RASAL2: variants seen among roughly 807,000 people sequenced by gnomAD.
The protein encoded by RASAL2 is RAS protein activator like 2, also known as ras GTPase-activating protein nGAP.
In RASAL2, 58 loss-of-function variants were observed where a neutral mutation model predicts 128.9. The observed-to-expected ratio is 0.45, with a 90% CI of 0.36 to 0.56. The LOEUF (loss-of-function observed/expected upper bound fraction) is 0.56, where lower values mean the gene tolerates loss of function less well. RASAL2 is among the 20% of genes least tolerant of loss of function. The pLI is 0.00. For missense variants in RASAL2, 1,360 were observed against 1,601.6 expected (o/e 0.85, Z 2.57); for synonymous variants, 561 against 580.8 (o/e 0.97, Z 0.49).
chr1:178,458,017 C>A lies in RASAL2; in HGVS notation c.2725C>A (p.Pro909Thr), dbSNP rs373133080. The A allele has an allele frequency of 1.9e-6, 3 of 1,614,048 alleles. No individual in the cohort carries two copies. The highest frequency in any genetic ancestry group is 2.7e-5 in the African/African-American group (2 of 74,914). ...ACCCCAAGTGAGAAGGCCCCTGCAC[C>A]CAGCCTTGAACCAGCCAGGTGGCCT... ...SAPQVRRPLHPALNQPGGLQP... is the reference protein window; with the variant it reads ...SAPQVRRPLHTALNQPGGLQP... The change falls in exon 14 of 18, where the codon CCA becomes ACA. Residue 909 changes from proline (P) to threonine (T), a missense_variant. Pro to Thr is a conservative substitution (Grantham distance 38, BLOSUM62 -1). Transcript: ENST00000367649.
intron 4 of RASAL2, among the ~76,000 whole-genome samples, chr1:178,399,104 C>T (rs1406830238): frequency 6.6e-6 from 1 of 152,178 alleles, no homozygotes; most frequent in Non-Finnish European, 1.5e-5. Flanking sequence ...GGGCATGGTA[C>T]CACCTCCTGC....
chr1:178,185,776 A>G (rs763416093), intron 1 of RASAL2, among the ~76,000 whole-genome samples: 9 of 152,088 alleles, frequency 5.9e-5, no homozygotes, highest in African/African-American at 9.7e-5. Flanking sequence ...GAAATGCTGG[A>G]TATGATTTGC....
intron 1 of RASAL2, among the ~76,000 whole-genome samples, chr1:178,197,781 T>C (rs1662717553): frequency 6.6e-6 from 1 of 152,270 alleles, no homozygotes; most frequent in South Asian, 2.1e-4. Flanking sequence ...ACATGTGCCA[T>C]TTTGGTTTGC....
At chr1:178,184,391 G>GTT (rs34012316) in intron 1 of RASAL2, among the ~76,000 whole-genome samples, 104 of 148,502 alleles carry the variant, frequency 7.0e-4, no homozygotes, top group Middle Eastern at 3.4e-3. Context: ...AATTTTTCCT[G>GTT]TTTTTTTTTT....
At chr1:178,416,432 T>C (rs1032397639) in intron 4 of RASAL2, among the ~76,000 whole-genome samples, 3 of 152,042 alleles carry the variant, frequency 2.0e-5, no homozygotes, top group Admixed American at 2.0e-4. Flanking sequence ...ATATATATCA[T>C]ATAGACATAA....
At chr1:178,116,730 C>T (rs1358970316) in intron 1 of RASAL2, among the ~76,000 whole-genome samples, 1 of 152,162 alleles carries the variant, frequency 6.6e-6, no homozygotes, top group Non-Finnish European at 1.5e-5. Flanking sequence ...CTGCCTCAGC[C>T]TCCTGAGTAA....
chr1:178,302,970 T>C (rs1197826943), intron 3 of RASAL2, among the ~76,000 whole-genome samples: 2 of 151,900 alleles, frequency 1.3e-5, no homozygotes, highest in Non-Finnish European at 2.9e-5. Context: ...TGAGCCAAGA[T>C]TGAGCCACTG....
chr1:178,314,206 G>A (rs1379596638), intron 3 of RASAL2, among the ~76,000 whole-genome samples: 3 of 152,188 alleles, frequency 2.0e-5, no homozygotes, highest in African/African-American at 7.2e-5. Flanking sequence ...CACGTGAGAA[G>A]ATCCAAAAGT....
chr1:178,106,309 A>G (rs1249412596), intron 1 of RASAL2, among the ~76,000 whole-genome samples: 2 of 152,360 alleles, frequency 1.3e-5, no homozygotes, highest in East Asian at 1.9e-4. Context: ...GTGCTGAAGT[A>G]TAGCATATCC....
At chr1:178,458,850 A>G (rs906811777) in intron 14 of RASAL2, among the ~76,000 whole-genome samples, 1 of 152,178 alleles carries the variant, frequency 6.6e-6, no homozygotes, top group Non-Finnish European at 1.5e-5. Context: ...GAATAATTAG[A>G]TACTTAAAAT....
intron 1 of RASAL2, among the ~76,000 whole-genome samples, chr1:178,220,426 C>T (rs746124057): frequency 2.6e-5 from 4 of 152,010 alleles, no homozygotes; most frequent in Non-Finnish European, 5.9e-5. Context: ...CAAACAATTA[C>T]AGTAGTAACA....
At chr1:178,207,386 T>C (rs1239578956) in intron 1 of RASAL2, among the ~76,000 whole-genome samples, 2 of 152,078 alleles carry the variant, frequency 1.3e-5, no homozygotes, top group African/African-American at 2.4e-5. Context: ...ATAACACAAA[T>C]ACAAAATACG....
chr1:178,466,147 G>GC (rs1310190838), intron 16 of RASAL2, 25 bp downstream of exon 16: 1 of 1,525,306 alleles, frequency 6.6e-7, no homozygotes, highest in Non-Finnish European at 8.8e-7. Flanking sequence ...GGCAGCAGAT[G>GC]TGGGCTAGTT....
At chr1:178,149,699 G>C (rs1231808714) in intron 1 of RASAL2, among the ~76,000 whole-genome samples, 2 of 151,960 alleles carry the variant, frequency 1.3e-5, no homozygotes, top group Non-Finnish European at 2.9e-5. Context: ...GTTTAAATAT[G>C]TTTCCTATCA....
intron 5 of RASAL2, among the ~76,000 whole-genome samples, chr1:178,424,248 T>C (rs914017251): frequency 2.6e-5 from 4 of 152,016 alleles, no homozygotes; most frequent in Admixed American, 6.6e-5. Flanking sequence ...TTTGTTTGTT[T>C]GTTTGTTTTT....
At chr1:178,407,037 C>T (rs1008980856) in intron 4 of RASAL2, among the ~76,000 whole-genome samples, 3 of 152,014 alleles carry the variant, frequency 2.0e-5, no homozygotes, top group Non-Finnish European at 4.4e-5. Flanking sequence ...CCAAAGATTC[C>T]GATATATCAG....
At chr1:178,435,902 G>A (rs576897222) in intron 5 of RASAL2, among the ~76,000 whole-genome samples, 50 of 152,136 alleles carry the variant, frequency 3.3e-4, no homozygotes, top group African/African-American at 1.2e-3. Context: ...TTTGATGAAG[G>A]CCATTGTCAG....
intron 3 of RASAL2, among the ~76,000 whole-genome samples, chr1:178,335,734 G>C (rs1669553402): frequency 6.6e-6 from 1 of 152,122 alleles, no homozygotes; most frequent in East Asian, 1.9e-4. Flanking sequence ...AAGCACATAA[G>C]TGGAATGTCC....
chr1:178,457,937 C>G lies in RASAL2; in HGVS notation c.2645C>G (p.Thr882Ser), dbSNP rs763954890. ...TTGACCGGAAGCCAGCTTTCCATAA[C>G]CCAGGTGGCCAGCATCAAACAGCTG... ...IRLTGSQLSI[T>S]QVASIKQLRE... The change falls in exon 14 of 18, where the codon ACC becomes AGC. Residue 882 changes from threonine to serine, a missense_variant. Coordinates refer to ENST00000367649, the MANE Select transcript of RASAL2 (RefSeq NM_170692.4). The G allele has an allele frequency of 1.9e-6, 3 of 1,614,162 alleles. No homozygotes were observed. Among genetic ancestry groups the G allele is most frequent in the Non-Finnish European group, 2.5e-6 (3 of 1,180,036 alleles).
Sources: allele counts gnomAD v4.1 joint callset (sites outside exome capture counted in the v4.1 genomes callset), GRCh38; gene constraint gnomAD v4.1.1; transcripts MANE v1.5; gene names NCBI Gene and HGNC (gene_info 2026-07-23, HGNC 2026-07-21).